BIRC6: variants seen among roughly 807,000 people sequenced by gnomAD.
BIRC6 encodes dual E2 ubiquitin-conjugating enzyme/E3 ubiquitin-protein ligase BIRC6.
Under a neutral mutation model 503.3 loss-of-function variants are expected in BIRC6, and 98 were observed. That is an observed-to-expected ratio of 0.19 (90% CI 0.17 to 0.23). BIRC6 has a LOEUF of 0.23. Ranked by LOEUF, BIRC6 falls within the 10% of genes least tolerant of loss-of-function variation. The pLI, the probability that BIRC6 is intolerant of heterozygous loss-of-function variation, is 1.00. For synonymous variants in BIRC6, 2,240 were observed against 2,078.7 expected, an observed-to-expected ratio of 1.08 and a Z score of -2.11; for missense variants, 5,360 against 5,806.0, an observed-to-expected ratio of 0.92 and a Z score of 2.50.
In BIRC6 at chr2:32,476,092, T is replaced by C. The variant is rs957694031; in HGVS notation, c.6721-121T>C. On this transcript the variant is annotated intron_variant, in intron 33 of 73. Coordinates refer to ENST00000421745, the MANE Select transcript of BIRC6 (RefSeq NM_016252.4). Reference sequence around the variant, plus strand: ...AAAATTATCATCACAGTTAAAATTATACTACATCTTTCAAGATAATGTGCA... The same window carrying C: ...AAAATTATCATCACAGTTAAAATTACACTACATCTTTCAAGATAATGTGCA... The C allele has an allele frequency of 4.6e-5, 33 of 713,380 alleles. No individual in the cohort carries two copies. In the African/African-American group the frequency reaches 5.2e-4, roughly 11 times the overall value. The allele number at this position is 713,380 out of a possible 1,614,324, so 44.2% of individuals were successfully genotyped here. A position where few individuals can be genotyped will look rare whatever the true frequency, so the allele number is the denominator to read the frequency against.
intron 4 of BIRC6, 30 bp downstream of exon 4, chr2:32,388,973 GAGAT>G (rs1283548974): frequency 7.7e-7 from 1 of 1,296,422 alleles, no homozygotes; most frequent in Non-Finnish European, 1.0e-6. Flanking sequence ...AGGTGACAGT[GAGAT>G]AGAATTGATT....
chr2:32,425,312 T>C (rs1265516815), intron 10 of BIRC6, among the ~76,000 whole-genome samples: 1 of 152,122 alleles, frequency 6.6e-6, no homozygotes, highest in Non-Finnish European at 1.5e-5. Context: ...CATTTTCCTG[T>C]TTTTCTTTAG....
At chr2:32,570,706 C>A (rs919504518) in intron 65 of BIRC6, among the ~76,000 whole-genome samples, 1 of 144,680 alleles carries the variant, frequency 6.9e-6, no homozygotes, top group Non-Finnish European at 1.5e-5. Flanking sequence ...ACCATGTTGG[C>A]CAGGCTGGTC....
chr2:32,420,752 T>C (rs1409684274), intron 10 of BIRC6, among the ~76,000 whole-genome samples: 1 of 152,138 alleles, frequency 6.6e-6, no homozygotes, highest in Non-Finnish European at 1.5e-5. Context: ...CCTCAAGTGA[T>C]TCACCTGCAT....
At chr2:32,525,652 G>A (rs778438828) in intron 59 of BIRC6, 24 bp downstream of exon 59, 39 of 1,590,676 alleles carry the variant, frequency 2.5e-5, no homozygotes, top group Admixed American at 2.0e-4. Context: ...ATGAATAAAC[G>A]TCAAAGAAAT....
intron 61 of BIRC6, among the ~76,000 whole-genome samples, chr2:32,532,544 C>T (rs986426331): frequency 3.3e-5 from 5 of 152,168 alleles, no homozygotes; most frequent in African/African-American, 7.2e-5. Context: ...ATCTCCTCAT[C>T]TTAACTTGAT....
rs769916738 is a variant in BIRC6 at position 32,501,798 on chromosome 2, A to G, written c.9117A>G (p.Ile3039Met). 1.9e-6 allele frequency: 3 copies of G among 1,613,884 alleles called. No homozygotes were observed. The Admixed American group carries it at 5.0e-5, about 27-fold the overall frequency. Reference protein sequence around the residue: ...AISVGDGLFTILTTLSKKAST... With the variant: ...AISVGDGLFTMLTTLSKKAST... ...CAGTTGGGGATGGATTATTTACCAT[A>G]CTGACAACCCTTAGTAAAAAAGCTT... is the stretch of plus-strand genomic sequence containing the variant. Residue 3039 changes from isoleucine (I) to methionine (M), a missense_variant, in exon 47 of 74, where the codon ATA becomes ATG. This residue lies in a region of BIRC6 where 267 missense variants were observed against 287.6 expected (regional missense o/e 0.93). Coordinates refer to ENST00000421745, the MANE Select transcript of BIRC6 (RefSeq NM_016252.4).
chr2:32,442,185 T>A lies in BIRC6; in HGVS notation c.4065T>A (p.Thr1355=). ...ATGCCCAGAGCCTTGTGTTGGATAC[T>A]CTCTGTTGGTTAGCTGGAGTTCATT... ...TEHAQSLVLD[T]LCWLAGVHSN... is the part of the protein sequence containing the mutation. The change falls in exon 18 of 74, where the codon ACT becomes ACA. Residue 1355 remains threonine (T), a synonymous_variant. Transcript: ENST00000421745. 1.2e-6 allele frequency: 2 copies of A among 1,609,414 alleles called. No individual in the cohort carries two copies.
At chr2:32,461,854 G>A (rs1008049264) in intron 23 of BIRC6, among the ~76,000 whole-genome samples, 1 of 151,948 alleles carries the variant, frequency 6.6e-6, no homozygotes, top group Non-Finnish European at 1.5e-5. Context: ...TATAATAGTA[G>A]CAACAAAAAC....
chr2:32,605,556 G>A (rs1296077304), intron 71 of BIRC6, among the ~76,000 whole-genome samples: 3 of 152,180 alleles, frequency 2.0e-5, no homozygotes, highest in Non-Finnish European at 4.4e-5. Context: ...ACTTACCTCA[G>A]AAGTGTCAGT....
chr2:32,510,140 T>C, intron 52 of BIRC6, 146 bp downstream of exon 52: 1 of 1,029,502 alleles, frequency 9.7e-7, no homozygotes, highest in South Asian at 1.7e-5. Context: ...TGATGGAGTC[T>C]CACTCTGTTG....
At chr2:32,457,415 T>C (rs146615014) in intron 23 of BIRC6, among the ~76,000 whole-genome samples, 2 of 152,270 alleles carry the variant, frequency 1.3e-5, no homozygotes, top group East Asian at 1.9e-4. Context: ...TTTCCTCCTT[T>C]TCTGTTTTTA....
chr2:32,553,096 C>T (rs1296743233), intron 65 of BIRC6, among the ~76,000 whole-genome samples: 2 of 139,258 alleles, frequency 1.4e-5, no homozygotes, highest in African/African-American at 2.6e-5. Context: ...ACTTGGGAGG[C>T]TGAGGCAGGA....
rs143693805 is a variant in BIRC6, at chr2:32,610,782, T to G, written c.14260-666T>G. On this transcript the variant is annotated intron_variant, in intron 72 of 73. Coordinates refer to ENST00000421745, the MANE Select transcript of BIRC6 (RefSeq NM_016252.4). ...CCTCCCCTCCTCTCTTCTTTTCTTT[T>G]CTTTTTGATGGAGTCTTGCTCTGTC... 4.0e-3 allele frequency among the ~76,000 whole-genome samples: 602 copies of G among 152,318 alleles called. 3 individuals are homozygous for G. The highest frequency in any genetic ancestry group is 0.014 in the African/African-American group (569 of 41,576).
chr2:32,375,617 A>G (rs756721491), intron 1 of BIRC6, among the ~76,000 whole-genome samples: 5 of 151,236 alleles, frequency 3.3e-5, no homozygotes, highest in Non-Finnish European at 5.9e-5. Flanking sequence ...TACGTACCAT[A>G]GACTGAGGTC....
At chr2:32,425,043 T>C (rs2043331361) in intron 10 of BIRC6, among the ~76,000 whole-genome samples, 1 of 152,176 alleles carries the variant, frequency 6.6e-6, no homozygotes. Flanking sequence ...TATTGGTGAT[T>C]TGTATTTCTA....
chr2:32,364,996 GAT>G (rs1432188038), intron 1 of BIRC6, among the ~76,000 whole-genome samples: 1 of 152,126 alleles, frequency 6.6e-6, no homozygotes, highest in East Asian at 1.9e-4. Context: ...AGATAAACAT[GAT>G]ATAGAATTCG....
intron 66 of BIRC6, among the ~76,000 whole-genome samples, chr2:32,581,230 C>T (rs1287762505): frequency 6.6e-6 from 1 of 152,130 alleles, no homozygotes; most frequent in Non-Finnish European, 1.5e-5. Context: ...AAAGCTGTCA[C>T]CCAGCTAAAG....
intron 71 of BIRC6, among the ~76,000 whole-genome samples, chr2:32,606,965 C>T (rs1024368137): frequency 1.3e-5 from 2 of 151,262 alleles, no homozygotes; most frequent in African/African-American, 2.4e-5. Flanking sequence ...CAAGATCATG[C>T]CATTGCACTC....
Sources: allele counts gnomAD v4.1 joint callset (sites outside exome capture counted in the v4.1 genomes callset), GRCh38; gene constraint gnomAD v4.1.1; regional missense constraint gnomAD v4.1.1; transcripts MANE v1.5; gene names NCBI Gene and HGNC (gene_info 2026-07-23, HGNC 2026-07-21).